Variants in SNX13 observed in about 807,000 individuals in gnomAD.
SNX13 encodes sorting nexin-13.
A neutral mutation model predicts 133.6 loss-of-function variants in SNX13; 45 were observed. That is an observed-to-expected ratio of 0.34 (90% CI 0.27 to 0.43). The LOEUF (loss-of-function observed/expected upper bound fraction) is 0.43, where lower values mean the gene tolerates loss of function less well. SNX13 is among the 20% of genes least tolerant of loss of function. SNX13 has a pLI of 1.00. For missense variants in SNX13, 1,032 were observed against 1,145.1 expected, an observed-to-expected ratio of 0.90 and a Z score of 1.43; for synonymous variants, 414 against 373.9, an observed-to-expected ratio of 1.11 and a Z score of -1.24.
At chr7:17,803,373 A>C (rs769901067) in intron 21 of SNX13, 46 bp downstream of exon 21, 1 of 1,523,652 alleles carries the variant, frequency 6.6e-7, no homozygotes, top group Non-Finnish European at 8.8e-7. Context: ...CATCTTATTG[A>C]CTTAAAAATA....
chr7:17,862,515 AATAAGT>A (rs1792839010), intron 9 of SNX13, among the ~76,000 whole-genome samples: 1 of 152,200 alleles, frequency 6.6e-6, no homozygotes. Context: ...TACAGTCATT[AATAAGT>A]ATATTTTTCT....
intron 3 of SNX13, 139 bp from the exon 4 acceptor site, chr7:17,891,774 T>C: frequency 1.9e-6 from 1 of 530,976 alleles, no homozygotes; most frequent in Non-Finnish European, 3.3e-6. Flanking sequence ...TGCTACTCTA[T>C]AAGCCAAACA....
chr7:17,920,594 T>C (rs1477185178), intron 1 of SNX13, among the ~76,000 whole-genome samples: 1 of 152,226 alleles, frequency 6.6e-6, no homozygotes, highest in African/African-American at 2.4e-5. Flanking sequence ...GTCAAATTAA[T>C]AAAATGAGTT....
chr7:17,849,408 T>C (rs978824037), intron 11 of SNX13, among the ~76,000 whole-genome samples: 1 of 152,204 alleles, frequency 6.6e-6, no homozygotes, highest in Non-Finnish European at 1.5e-5. Flanking sequence ...ATCAGGAGTA[T>C]TGCAAATAAT....
intron 9 of SNX13, among the ~76,000 whole-genome samples, chr7:17,854,293 C>G (rs571979174): frequency 2.6e-4 from 39 of 152,218 alleles, no homozygotes; most frequent in Admixed American, 2.4e-3. Context: ...AAAGTACTGC[C>G]CTCTAGGCAT....
chr7:17,823,408 T>C (rs998526606), intron 17 of SNX13, among the ~76,000 whole-genome samples: 1 of 152,150 alleles, frequency 6.6e-6, no homozygotes, highest in Non-Finnish European at 1.5e-5. Context: ...ATTTCGTATA[T>C]AACTGGGCAG....
chr7:17,875,614 A>T, intron 6 of SNX13, 33 bp from the exon 7 acceptor site: 2 of 1,608,714 alleles, frequency 1.2e-6, no homozygotes, highest in Non-Finnish European at 1.7e-6. Flanking sequence ...ATATAAAATG[A>T]TGAAAGGAAA....
At chr7:17,873,714 G>GGGAACTGGTTAT in intron 7 of SNX13, 98 bp from the exon 8 acceptor site, 6 of 627,168 alleles carry the variant, frequency 9.6e-6, no homozygotes, top group Non-Finnish European at 1.2e-5. Context: ...GAAATAACCA[G>GGGAACTGGTTAT]TTCCCTGGTT....
At chr7:17,827,867 A>G (rs1157837577) in intron 16 of SNX13, among the ~76,000 whole-genome samples, 2 of 151,906 alleles carry the variant, frequency 1.3e-5, no homozygotes, top group Non-Finnish European at 2.9e-5. Flanking sequence ...TGAAAGATAG[A>G]AGACTCAGAG....
chr7:17,809,229 C>G (rs1254830955), intron 20 of SNX13, among the ~76,000 whole-genome samples: 1 of 120,414 alleles, frequency 8.3e-6, no homozygotes, highest in Non-Finnish European at 1.6e-5. Flanking sequence ...TGCAAAGACA[C>G]ACATAGGCTC....
intron 5 of SNX13, among the ~76,000 whole-genome samples, chr7:17,885,320 T>C (rs1279203985): frequency 6.8e-6 from 1 of 147,458 alleles, no homozygotes; most frequent in African/African-American, 2.5e-5. Flanking sequence ...AAAAGATTAG[T>C]GGTTACCTAG....
intron 1 of SNX13, among the ~76,000 whole-genome samples, chr7:17,904,931 A>G (rs1798234193): frequency 6.6e-6 from 1 of 152,176 alleles, no homozygotes; most frequent in South Asian, 2.1e-4. Context: ...ACCAAGGCCA[A>G]GTACACAGAA....
intron 17 of SNX13, among the ~76,000 whole-genome samples, 198 bp downstream of exon 17, chr7:17,825,824 A>G (rs1464952200): frequency 6.6e-6 from 1 of 152,198 alleles, no homozygotes; most frequent in East Asian, 1.9e-4. Flanking sequence ...AAATGTTGAT[A>G]GTGACAATCT....
intron 8 of SNX13, among the ~76,000 whole-genome samples, chr7:17,869,866 T>TCA (rs917123063): frequency 7.5e-6 from 1 of 133,734 alleles, no homozygotes; most frequent in Non-Finnish European, 1.6e-5. Context: ...GAAAATTTAC[T>TCA]CACACACACA....
chr7:17,918,954 G>C (rs578113283), intron 1 of SNX13, among the ~76,000 whole-genome samples: 31 of 152,284 alleles, frequency 2.0e-4, no homozygotes, highest in African/African-American at 2.4e-5. Context: ...CATGGATGCA[G>C]GTGGAGGCCA....
At chr7:17,847,544 A>G (rs1308653345) in intron 11 of SNX13, among the ~76,000 whole-genome samples, 1 of 152,198 alleles carries the variant, frequency 6.6e-6, no homozygotes. Flanking sequence ...CTGTAAAATT[A>G]TAAGACCAGA....
rs535863200 is a variant in SNX13, at chr7:17,859,927, C to T, written c.837+8480G>A. Among the ~76,000 whole-genome samples, 19 of 152,168 alleles carry T rather than the reference C, an allele frequency of 1.2e-4. No individual in the cohort carries two copies. In the South Asian group the frequency reaches 3.7e-3, roughly 30 times the overall value. On this transcript the variant is annotated intron_variant, in intron 9 of 25. Coordinates refer to ENST00000428135, the MANE Select transcript of SNX13 (RefSeq NM_015132.5). ...GTTGATAGACACTTAAGGTTATTTCCACCTCTTGGCTACTGTGAATACTGC... is the reference window on the plus strand; with the variant it reads ...GTTGATAGACACTTAAGGTTATTTCTACCTCTTGGCTACTGTGAATACTGC...
Position 17,793,462 on chromosome 7 carries a change from A to T in SNX13, c.*583T>A, listed in dbSNP as rs115673149. On this transcript the variant is annotated 3_prime_UTR_variant, in exon 26 of 26. Transcript: ENST00000428135. ...TTTATTTTATACTCAGCTTTATTTT[A>T]TATCACAAAACTGTAATTCAGGTAT... 6.6e-6 allele frequency: 1 copy of T among 151,834 alleles called. No homozygotes were observed. Among genetic ancestry groups the T allele is most frequent in the Non-Finnish European group, 1.5e-5 (1 of 67,820 alleles). The allele number at this position is 151,834 out of a possible 1,614,324, so 9.4% of individuals were successfully genotyped here. A position where few individuals can be genotyped will look rare whatever the true frequency, so the allele number is the denominator to read the frequency against.
intron 5 of SNX13, chr7:17,880,797 A>G (rs1357554291): frequency 6.6e-6 from 1 of 152,212 alleles, no homozygotes; most frequent in Non-Finnish European, 1.5e-5. Flanking sequence ...ACACACAAAG[A>G]CTATAGATTA....
Sources: allele counts gnomAD v4.1 joint callset (sites outside exome capture counted in the v4.1 genomes callset), GRCh38; gene constraint gnomAD v4.1.1; transcripts MANE v1.5; gene names NCBI Gene and HGNC (gene_info 2026-07-23, HGNC 2026-07-21).